COL25A1: variants seen among roughly 807,000 people sequenced by gnomAD.
The protein encoded by COL25A1 is collagen type XXV alpha 1 chain, also known as collagen alpha-1(XXV) chain.
In COL25A1, 103 loss-of-function variants were observed where a neutral mutation model predicts 128.4. The ratio of observed to expected loss-of-function variants is 0.80; its 90% CI spans 0.68 to 0.94. The LOEUF (loss-of-function observed/expected upper bound fraction) is 0.94, where lower values mean the gene tolerates loss of function less well. COL25A1 is among the 40% of genes least tolerant of loss of function. The probability of loss-of-function intolerance (pLI) is 0.00; values close to 1 mark genes in which losing one functional copy is unlikely to be tolerated. For synonymous variants in COL25A1, 279 were observed against 277.2 expected, an observed-to-expected ratio of 1.01 and a Z score of -0.06; for missense variants, 745 against 840.0, an observed-to-expected ratio of 0.89 and a Z score of 1.40.
At chr4:109,128,396 C>T (rs1768838366) in intron 3 of COL25A1, among the ~76,000 whole-genome samples, 2 of 152,156 alleles carry the variant, frequency 1.3e-5, no homozygotes, top group Admixed American at 1.3e-4. Context: ...GCTTTGCTTC[C>T]CAAACCTATC....
At chr4:109,114,652 C>T (rs931493727) in intron 3 of COL25A1, among the ~76,000 whole-genome samples, 2 of 152,032 alleles carry the variant, frequency 1.3e-5, no homozygotes, top group African/African-American at 4.8e-5. Context: ...AACACATTTA[C>T]CAAGAATATC....
At chr4:109,029,867 T>C (rs919656715) in intron 5 of COL25A1, among the ~76,000 whole-genome samples, 1 of 152,188 alleles carries the variant, frequency 6.6e-6, no homozygotes, top group African/African-American at 2.4e-5. Flanking sequence ...GATATTATTG[T>C]CTTTATATAT....
chr4:108,848,363 G>A (rs1735353168), intron 27 of COL25A1, among the ~76,000 whole-genome samples: 1 of 151,994 alleles, frequency 6.6e-6, no homozygotes, highest in Admixed American at 6.6e-5. Flanking sequence ...TTTGGGAAAA[G>A]AAAACATTGT....
intron 13 of COL25A1, among the ~76,000 whole-genome samples, chr4:108,907,960 G>A (rs1743728182): frequency 1.3e-5 from 2 of 152,066 alleles, no homozygotes; most frequent in African/African-American, 4.8e-5. Context: ...AAGTGTGTGG[G>A]GCTGAATCAA....
chr4:109,153,825 T>C (rs1034196245), intron 3 of COL25A1, among the ~76,000 whole-genome samples: 5 of 152,190 alleles, frequency 3.3e-5, no homozygotes, highest in Admixed American at 6.5e-5. Context: ...ACACCACATA[T>C]ACTTTAGTTC....
chr4:108,846,881 A>T (rs1046245734), intron 27 of COL25A1, among the ~76,000 whole-genome samples: 1 of 150,996 alleles, frequency 6.6e-6, no homozygotes, highest in South Asian at 2.1e-4. Flanking sequence ...TGCATTTTGA[A>T]TGTTAACAAA....
chr4:109,280,295 T>C (rs1161435010), intron 3 of COL25A1, among the ~76,000 whole-genome samples: 1 of 152,230 alleles, frequency 6.6e-6, no homozygotes, highest in Non-Finnish European at 1.5e-5. Context: ...AATGGAATTC[T>C]ATTCAGATAT....
At chr4:109,014,136 G>A (rs983327540) in intron 5 of COL25A1, among the ~76,000 whole-genome samples, 9 of 152,032 alleles carry the variant, frequency 5.9e-5, no homozygotes, top group South Asian at 2.1e-4. Context: ...GTGAAACCCC[G>A]TCTCTACTAA....
At chr4:109,176,110 G>A (rs536811581) in intron 3 of COL25A1, among the ~76,000 whole-genome samples, 53 of 152,256 alleles carry the variant, frequency 3.5e-4, no homozygotes, top group African/African-American at 1.1e-3. Flanking sequence ...TACAATCCCT[G>A]TCCTCAAGGA....
intron 12 of COL25A1, among the ~76,000 whole-genome samples, chr4:108,919,618 C>T (rs923487113): frequency 2.4e-4 from 37 of 152,044 alleles, no homozygotes; most frequent in East Asian, 7.7e-4. Context: ...ATCCCCCTCC[C>T]GGCTTGAGGG....
chr4:108,956,681 C>T (rs1750108835), intron 8 of COL25A1, among the ~76,000 whole-genome samples: 1 of 152,232 alleles, frequency 6.6e-6, no homozygotes, highest in South Asian at 2.1e-4. Flanking sequence ...GCTGGGATTA[C>T]AGGCATGAGC....
chr4:109,279,114 G>C lies in COL25A1; in HGVS notation c.367+21469C>G, dbSNP rs1360847344. Among the ~76,000 whole-genome samples the C allele has an allele frequency of 4.6e-5, 7 of 151,806 alleles. No homozygotes were observed. The East Asian group carries it at 1.2e-3, about 25-fold the overall frequency. On this transcript the variant is annotated intron_variant, in intron 3 of 37. Transcript: ENST00000399132. ...CATTTTTAACATATGAGTTTTGGGC[G>C]GGGGGATGGGGGAAGACACAGACAC... is the stretch of plus-strand genomic sequence containing the variant.
At chr4:109,033,029 G>A (rs1759012954) in intron 5 of COL25A1, among the ~76,000 whole-genome samples, 1 of 152,216 alleles carries the variant, frequency 6.6e-6, no homozygotes, top group Non-Finnish European at 1.5e-5. Context: ...ATCCCACCAG[G>A]TCCTCCATAA....
At chr4:109,262,520 CA>C (rs201910995) in intron 3 of COL25A1, among the ~76,000 whole-genome samples, 2 of 148,784 alleles carry the variant, frequency 1.3e-5, no homozygotes, top group Non-Finnish European at 3.0e-5. Flanking sequence ...TCTCAAAAAA[CA>C]AAAAAAAAGC....
intron 3 of COL25A1, among the ~76,000 whole-genome samples, chr4:109,252,060 C>T (rs1780687233): frequency 6.6e-6 from 1 of 152,228 alleles, no homozygotes; most frequent in South Asian, 2.1e-4. Flanking sequence ...AAAGTGAGTT[C>T]TGATCAGAAG....
intron 6 of COL25A1, among the ~76,000 whole-genome samples, chr4:108,976,852 T>C (rs1560960396): frequency 6.6e-6 from 1 of 152,260 alleles, no homozygotes; most frequent in Non-Finnish European, 1.5e-5. Context: ...AACTACATCA[T>C]GTCCTATACT....
intron 18 of COL25A1, among the ~76,000 whole-genome samples, chr4:108,886,443 TG>T (rs1560805983): frequency 9.9e-4 from 8 of 8,084 alleles, no homozygotes; most frequent in Admixed American, 1.5e-3. Context: ...TATGAGATTT[TG>T]TGTGTGTGTG....
At chr4:108,912,101 T>C (rs1744300985) in intron 13 of COL25A1, among the ~76,000 whole-genome samples, 1 of 152,162 alleles carries the variant, frequency 6.6e-6, no homozygotes, top group Admixed American at 6.5e-5. Flanking sequence ...AAAAGAAATA[T>C]CTTGTGTTCT....
At chr4:109,078,085 T>G (rs920627829) in intron 3 of COL25A1, among the ~76,000 whole-genome samples, 1 of 152,214 alleles carries the variant, frequency 6.6e-6, no homozygotes, top group East Asian at 1.9e-4. Context: ...TTGACTTGTT[T>G]GTCTTTTAAG....
Sources: gnomAD v4.1 joint callset for allele counts (sites outside exome capture counted in the v4.1 genomes callset) on GRCh38, gnomAD v4.1.1 for gene constraint, MANE v1.5 for transcripts, NCBI Gene and HGNC (gene_info 2026-07-23, HGNC 2026-07-21) for gene names.